Variants in TTC39C observed in about 807,000 individuals in gnomAD.
The protein encoded by TTC39C is tetratricopeptide repeat domain 39C.
Under a neutral mutation model 76.3 loss-of-function variants are expected in TTC39C, and 33 were observed. That is an observed-to-expected ratio of 0.43 (90% CI 0.33 to 0.58). The LOEUF is 0.58. Ranked by LOEUF, TTC39C falls within the 20% of genes least tolerant of loss-of-function variation. The probability of loss-of-function intolerance (pLI) is 0.04; values close to 1 mark genes in which losing one functional copy is unlikely to be tolerated. For missense variants in TTC39C, 595 were observed against 701.4 expected, an observed-to-expected ratio of 0.85 and a Z score of 1.71; for synonymous variants, 254 against 260.6, an observed-to-expected ratio of 0.97 and a Z score of 0.24.
intron 8 of TTC39C, among the ~76,000 whole-genome samples, chr18:24,121,253 A>G (rs547793754): frequency 1.3e-5 from 2 of 152,264 alleles, no homozygotes; most frequent in African/African-American, 4.8e-5. Flanking sequence ...AGAGACTCCC[A>G]TGACTTTAAA....
At chr18:24,072,124 C>T (rs2084247930) in intron 4 of TTC39C, among the ~76,000 whole-genome samples, 1 of 151,458 alleles carries the variant, frequency 6.6e-6, no homozygotes, top group African/African-American at 2.4e-5. Flanking sequence ...AAACATTTTA[C>T]ATGGATAATT....
In TTC39C at chr18:24,049,142, C is replaced by T. The variant is rs150103324; in HGVS notation, c.168-14998C>T. ...AAAATAATGTTTTAAAGAGAGCCAA[C>T]GGTAAAGGCAGGAAATCACTCAAAA... On this transcript the variant is annotated intron_variant, in intron 1 of 13. Transcript: ENST00000317571. 6.7e-3 allele frequency among the ~76,000 whole-genome samples: 1,019 copies of T among 152,242 alleles called. 7 individuals carry two copies. Among genetic ancestry groups the T allele is most frequent in the Middle Eastern group, 0.058 (17 of 294 alleles).
At chr18:24,047,568 T>G (rs1416312250) in intron 1 of TTC39C, among the ~76,000 whole-genome samples, 1 of 152,166 alleles carries the variant, frequency 6.6e-6, no homozygotes, top group Non-Finnish European at 1.5e-5. Context: ...TCTCCCTCCC[T>G]TTCTTTTTTC....
chr18:24,112,569 CATCTTTTT>C (rs1599337396), intron 6 of TTC39C, among the ~76,000 whole-genome samples: 1 of 152,174 alleles, frequency 6.6e-6, no homozygotes, highest in Non-Finnish European at 1.5e-5. Context: ...TATTTGGACT[CATCTTTTT>C]ATCTCCAGAG....
intron 6 of TTC39C, among the ~76,000 whole-genome samples, chr18:24,101,985 G>A (rs1205710284): frequency 6.6e-6 from 1 of 152,130 alleles, no homozygotes; most frequent in Non-Finnish European, 1.5e-5. Flanking sequence ...CTCAAAATGG[G>A]GTCTTCAACT....
intron 1 of TTC39C, among the ~76,000 whole-genome samples, chr18:24,031,522 C>G (rs1460016938): frequency 6.6e-6 from 1 of 152,150 alleles, no homozygotes; most frequent in African/African-American, 2.4e-5. Flanking sequence ...CTAGAAGGCT[C>G]TTGGCACCTC....
At chr18:24,018,434 T>A (rs2083481384) in intron 1 of TTC39C, among the ~76,000 whole-genome samples, 1 of 152,176 alleles carries the variant, frequency 6.6e-6, no homozygotes, top group African/African-American at 2.4e-5. Flanking sequence ...ATATGTGACG[T>A]GCACTCAGAC....
chr18:24,087,397 A>G (rs2084454528), intron 6 of TTC39C, among the ~76,000 whole-genome samples: 1 of 151,994 alleles, frequency 6.6e-6, no homozygotes, highest in Non-Finnish European at 1.5e-5. Flanking sequence ...ACATGTAAGG[A>G]TTTGGTTTTC....
chr18:24,021,900 C>T (rs1478483156), intron 1 of TTC39C, among the ~76,000 whole-genome samples: 1 of 152,168 alleles, frequency 6.6e-6, no homozygotes, highest in East Asian at 1.9e-4. Flanking sequence ...GAGTTTCTGC[C>T]ATGAACAGGA....
intron 1 of TTC39C, among the ~76,000 whole-genome samples, chr18:24,045,663 T>C (rs989809528): frequency 8.6e-5 from 13 of 152,044 alleles, no homozygotes; most frequent in African/African-American, 2.9e-4. Context: ...TTGTGAAATT[T>C]TGTACAAGTA....
At chr18:23,996,906 G>A (rs536902286) in intron 1 of TTC39C, among the ~76,000 whole-genome samples, 5 of 151,246 alleles carry the variant, frequency 3.3e-5, no homozygotes, top group Admixed American at 1.3e-4. Flanking sequence ...TCAGAAGATC[G>A]AAACTATCCT....
rs111973450 is a variant in TTC39C at position 24,051,704 on chromosome 18, C to T, written c.168-12436C>T. 3.8e-3 allele frequency among the ~76,000 whole-genome samples: 577 copies of T among 152,324 alleles called. 3 individuals are homozygous for T. Among genetic ancestry groups the T allele is most frequent in the Middle Eastern group, 6.8e-3 (2 of 294 alleles). On this transcript the variant is annotated intron_variant, in intron 1 of 13. Transcript: ENST00000317571. ...GCAAATAAAGTCTTTCCGTGAATTT[C>T]CCCACAGCTATCTTCTGGTAAAGGA...
intron 6 of TTC39C, among the ~76,000 whole-genome samples, chr18:24,084,320 C>T (rs369660247): frequency 4.6e-5 from 7 of 151,410 alleles, no homozygotes; most frequent in South Asian, 4.2e-4. Flanking sequence ...CCTGTTTCCA[C>T]GAAAAATACA....
chr18:24,129,002 C>G lies in TTC39C; in HGVS notation c.1518+19C>G, dbSNP rs748445185. The G allele has an allele frequency of 1.9e-6, 3 of 1,597,830 alleles. No homozygotes were observed. Among genetic ancestry groups the G allele is most frequent in the Non-Finnish European group, 2.6e-6 (3 of 1,168,650 alleles). The stretch of plus-strand genomic sequence containing the variant: ...TGTTCAGGTAAACTGTTAATGTTGT[C>G]AGGGCTAAAGAAAATAAGTCACGAA... On this transcript the variant is annotated intron_variant, in intron 11 of 13. Coordinates refer to ENST00000317571, the MANE Select transcript of TTC39C (RefSeq NM_001135993.2).
At chr18:24,058,443 T>G (rs1379465161) in intron 1 of TTC39C, among the ~76,000 whole-genome samples, 3 of 152,182 alleles carry the variant, frequency 2.0e-5, no homozygotes, top group Non-Finnish European at 1.5e-5. Flanking sequence ...TCACTTGAAG[T>G]CTGGCGTTTG....
chr18:24,096,437 G>A (rs1374303177), intron 6 of TTC39C, among the ~76,000 whole-genome samples: 3 of 152,152 alleles, frequency 2.0e-5, no homozygotes, highest in Non-Finnish European at 4.4e-5. Context: ...TATTCACATT[G>A]TTGTTATAAT....
intron 6 of TTC39C, among the ~76,000 whole-genome samples, chr18:24,098,909 G>A (rs1405110129): frequency 6.6e-6 from 1 of 151,896 alleles, no homozygotes; most frequent in Non-Finnish European, 1.5e-5. Flanking sequence ...TGGGATTACA[G>A]GCATGAGTCA....
Position 24,133,062 on chromosome 18 carries a change from G to C in TTC39C, c.*488G>C, listed in dbSNP as rs188327629. 6.6e-6 allele frequency: 1 copy of C among 152,502 alleles called. No homozygotes were observed. Among genetic ancestry groups the C allele is most frequent in the African/African-American group, 2.4e-5 (1 of 41,568 alleles). The allele number at this position is 152,502 out of a possible 1,614,324, so 9.4% of individuals were successfully genotyped here. On this transcript the variant is annotated 3_prime_UTR_variant, in exon 14 of 14. Coordinates refer to ENST00000317571, the MANE Select transcript of TTC39C (RefSeq NM_001135993.2). ...TCAAAATACTCCAGTGAATAACATA[G>C]CACAGATATTCTTAACCCCACTTTG...
intron 6 of TTC39C, among the ~76,000 whole-genome samples, chr18:24,086,550 G>A (rs2084441609): frequency 6.6e-6 from 1 of 152,168 alleles, no homozygotes; most frequent in Non-Finnish European, 1.5e-5. Flanking sequence ...TTCTGTTATG[G>A]CCTCAGTTGA....
Sources: gnomAD v4.1 joint callset for allele counts (sites outside exome capture counted in the v4.1 genomes callset) on GRCh38, gnomAD v4.1.1 for gene constraint, MANE v1.5 for transcripts, NCBI Gene and HGNC (gene_info 2026-07-23, HGNC 2026-07-21) for gene names.